The following MYO9A variants were observed in gnomAD, a reference collection of about 807,000 sequenced individuals.
MYO9A encodes unconventional myosin-IXa.
MYO9A carries 103 observed loss-of-function variants against 293.3 expected under a neutral mutation model. The observed-to-expected ratio is 0.35, with a 90% CI of 0.30 to 0.41. The LOEUF (loss-of-function observed/expected upper bound fraction) is 0.41, where lower values mean the gene tolerates loss of function less well. MYO9A is among the 10% of genes least tolerant of loss of function. The pLI, the probability that MYO9A is intolerant of heterozygous loss-of-function variation, is 1.00. For synonymous variants in MYO9A, 1,001 were observed against 1,035.7 expected, an observed-to-expected ratio of 0.97 and a Z score of 0.64; for missense variants, 2,685 against 3,033.0, an observed-to-expected ratio of 0.89 and a Z score of 2.69.
intron 1 of MYO9A, among the ~76,000 whole-genome samples, chr15:72,109,046 AG>A (rs562707892): frequency 3.5e-4 from 54 of 152,240 alleles, no homozygotes; most frequent in African/African-American, 1.2e-3. Context: ...TACAGATGTG[AG>A]TCACGGCACC....
chr15:71,972,904 T>C (rs974076660), intron 12 of MYO9A, among the ~76,000 whole-genome samples: 1 of 152,096 alleles, frequency 6.6e-6, no homozygotes, highest in African/African-American at 2.4e-5. Flanking sequence ...TCCTGGGGAA[T>C]TGGTTCACTG....
intron 32 of MYO9A, among the ~76,000 whole-genome samples, chr15:71,875,181 T>C (rs1202856239): frequency 6.6e-6 from 1 of 152,008 alleles, no homozygotes; most frequent in Non-Finnish European, 1.5e-5. Flanking sequence ...ATAGATATTA[T>C]AAATGATGTT....
At chr15:71,971,361 G>T (rs1008683027) in intron 12 of MYO9A, among the ~76,000 whole-genome samples, 13 of 151,978 alleles carry the variant, frequency 8.6e-5, no homozygotes, top group African/African-American at 2.7e-4. Flanking sequence ...AAGGTAGGAG[G>T]ACAGCTTGAG....
At chr15:71,960,238 G>A (rs2059294769) in intron 13 of MYO9A, 142 bp from the exon 14 acceptor site, 7 of 694,310 alleles carry the variant, frequency 1.0e-5, no homozygotes, top group Non-Finnish European at 1.7e-5. Flanking sequence ...ATGGGGCCTG[G>A]TAGGAGGTGT....
intron 19 of MYO9A, among the ~76,000 whole-genome samples, chr15:71,910,831 A>G (rs1353551932): frequency 1.3e-5 from 2 of 152,170 alleles, no homozygotes; most frequent in African/African-American, 4.8e-5. Context: ...CTTTTAAAAC[A>G]CTGATTTTTA....
chr15:71,903,850 A>C, intron 21 of MYO9A, 79 bp downstream of exon 21: 5 of 1,266,240 alleles, frequency 3.9e-6, no homozygotes, highest in Non-Finnish European at 3.4e-6. Context: ...AGTAAGCCCC[A>C]AAGAAATAAT....
intron 11 of MYO9A, among the ~76,000 whole-genome samples, chr15:71,988,318 A>G (rs2076454950): frequency 6.6e-6 from 1 of 152,186 alleles, no homozygotes; most frequent in Non-Finnish European, 1.5e-5. Flanking sequence ...TTAGCTTTTG[A>G]TTAAAAGAAA....
intron 1 of MYO9A, among the ~76,000 whole-genome samples, chr15:72,076,220 G>A (rs763114877): frequency 1.3e-5 from 2 of 151,106 alleles, no homozygotes; most frequent in Non-Finnish European, 2.9e-5. Context: ...CAGGAGAATC[G>A]CTTAAACCTG....
intron 2 of MYO9A, among the ~76,000 whole-genome samples, chr15:72,034,192 G>A (rs75905450): frequency 0.015 from 2,219 of 152,242 alleles, 50 homozygotes; most frequent in African/African-American, 0.05. Context: ...AGCATCTCCT[G>A]AAAATTTGTT....
At position 71,827,986 on chromosome 15, in the gene MYO9A, CACGGGGTTCCAGT is replaced by C; in HGVS notation, c.7068_7080del (p.Leu2357ProfsTer22). ...GACTCAAGGGTTTCATCATCAGAGGCACGGGGTTCCAGTACAAGCATCTCAAATGTTAGCTCCT... is the reference window on the plus strand; with the variant it reads ...GACTCAAGGGTTTCATCATCAGAGGCACAAGCATCTCAAATGTTAGCTCCT... On this transcript the variant is annotated frameshift_variant, in exon 41 of 42. Coordinates refer to ENST00000356056, the MANE Select transcript of MYO9A (RefSeq NM_006901.4). LOFTEE classifies it high-confidence loss of function. 1 of 1,613,810 alleles carries C rather than the reference CACGGGGTTCCAGT, an allele frequency of 6.2e-7. No homozygotes were observed. Among genetic ancestry groups the C allele is most frequent in the East Asian group, 2.2e-5 (1 of 44,876 alleles).
Position 72,046,377 on chromosome 15 carries a change from G to A in MYO9A, c.187C>T (p.Leu63=). 6.2e-7 allele frequency: 1 copy of A among 1,614,116 alleles called. No homozygotes were observed. Among genetic ancestry groups the A allele is most frequent in the South Asian group, 1.1e-5 (1 of 91,072 alleles). ...CCACCAAATTCCTTTACCTCTGCTA[G>A]AACATAACATTTTGTTTTGTCAAGA... The part of the protein sequence containing the change: ...LHLDKTKCYV[L]AEVKEFGGEE... The change falls in exon 2 of 42, where the codon CTA becomes TTA. Residue 63 remains leucine (L), a synonymous_variant. Transcript: ENST00000356056.
At position 71,927,197 on chromosome 15, in the gene MYO9A, T is replaced by C. The variant is rs2058335571; in HGVS notation, c.2562+6473A>G. 2.6e-5 allele frequency among the ~76,000 whole-genome samples: 4 copies of C among 152,228 alleles called. No individual in the cohort carries two copies. In the South Asian group the frequency reaches 8.3e-4, roughly 31 times the overall value. Reference sequence around the variant, plus strand: ...AAAATGTCTTTTGGCTATTTTTAAATTAAATTATTTGCTTTTTTGCTATTA... The same window carrying C: ...AAAATGTCTTTTGGCTATTTTTAAACTAAATTATTTGCTTTTTTGCTATTA... On this transcript the variant is annotated intron_variant, in intron 18 of 41. Coordinates refer to ENST00000356056, the MANE Select transcript of MYO9A (RefSeq NM_006901.4).
chr15:71,905,110 G>T, intron 19 of MYO9A, 104 bp from the exon 20 acceptor site: 1 of 918,372 alleles, frequency 1.1e-6, no homozygotes, highest in Non-Finnish European at 1.6e-6. Context: ...AAAAAGTAGA[G>T]GTACACATAG....
At chr15:71,978,358 T>C (rs944382847) in intron 11 of MYO9A, 66 bp from the exon 12 acceptor site, 12 of 1,353,342 alleles carry the variant, frequency 8.9e-6, no homozygotes, top group African/African-American at 3.0e-5. Flanking sequence ...ATAATATAGA[T>C]TGAAAAGCTT....
chr15:72,070,815 A>G (rs1596506452), intron 1 of MYO9A, among the ~76,000 whole-genome samples: 2 of 152,246 alleles, frequency 1.3e-5, no homozygotes, highest in East Asian at 1.9e-4. Context: ...ATGACACCCT[A>G]TTCAATAAAT....
At chr15:72,066,710 C>T (rs1304836876) in intron 1 of MYO9A, among the ~76,000 whole-genome samples, 3 of 151,822 alleles carry the variant, frequency 2.0e-5, no homozygotes, top group South Asian at 2.1e-4. Flanking sequence ...GGTGGATAAC[C>T]GGTATATACA....
intron 30 of MYO9A, 69 bp downstream of exon 30, chr15:71,879,652 T>C: frequency 8.7e-7 from 1 of 1,144,480 alleles, no homozygotes; most frequent in Non-Finnish European, 1.3e-6. Flanking sequence ...TTTTGTATTA[T>C]CTTCTACAGC....
intron 27 of MYO9A, among the ~76,000 whole-genome samples, chr15:71,885,722 G>A (rs1048910067): frequency 2.0e-5 from 3 of 152,002 alleles, no homozygotes; most frequent in African/African-American, 7.2e-5. Context: ...CTGGAAAATC[G>A]TGTCCTTCGG....
chr15:72,071,412 G>T (rs2079186458), intron 1 of MYO9A, among the ~76,000 whole-genome samples: 1 of 152,152 alleles, frequency 6.6e-6, no homozygotes, highest in Non-Finnish European at 1.5e-5. Context: ...TGGCAAGTAT[G>T]TGGAACAAAA....
Sources: allele counts gnomAD v4.1 joint callset (sites outside exome capture counted in the v4.1 genomes callset), GRCh38; gene constraint gnomAD v4.1.1; transcripts MANE v1.5; gene names NCBI Gene and HGNC (gene_info 2026-07-23, HGNC 2026-07-21).